Variants in CIITA observed in about 807,000 individuals in gnomAD.
CIITA encodes the protein MHC class II transactivator.
Under a neutral mutation model 115.1 loss-of-function variants are expected in CIITA, and 72 were observed. The ratio of observed to expected loss-of-function variants is 0.63; its 90% CI spans 0.52 to 0.76. The LOEUF (loss-of-function observed/expected upper bound fraction) is 0.76, where lower values mean the gene tolerates loss of function less well. Ranked by LOEUF, CIITA falls within the 30% of genes least tolerant of loss-of-function variation. The probability of loss-of-function intolerance (pLI) is 0.00; values close to 1 mark genes in which losing one functional copy is unlikely to be tolerated. For synonymous variants in CIITA, 763 were observed against 635.6 expected (o/e 1.20, Z -3.02); for missense variants, 1,617 against 1,463.8 (o/e 1.10, Z -1.71).
At chr16:10,887,448 CAGG>C (rs1468752970) in intron 1 of CIITA, among the ~76,000 whole-genome samples, 1 of 151,932 alleles carries the variant, frequency 6.6e-6, no homozygotes, top group Non-Finnish European at 1.5e-5. Context: ...CATTATTCCT[CAGG>C]AGGAGAAGTT....
intron 3 of CIITA, among the ~76,000 whole-genome samples, chr16:10,896,569 C>T (rs1022179345): frequency 6.6e-6 from 1 of 152,144 alleles, no homozygotes; most frequent in Admixed American, 6.5e-5. Context: ...GCATCACCAC[C>T]ACCTCATACA....
At position 10,901,014 on chromosome 16, in the gene CIITA, C is replaced by T. The variant is rs530747211; in HGVS notation, c.437-500C>T. On this transcript the variant is annotated intron_variant, in intron 5 of 19. Coordinates refer to ENST00000324288, the MANE Select transcript of CIITA (RefSeq NM_000246.4). This position sits in a 1 kb window ranked among gnomAD's most constrained non-coding sequence, Gnocchi z 6.8. ...TTTCTTTTAAGGCCATGCAGTGTTT[C>T]GTTGGGTAGATGAACCATAATTTGT... is the stretch of plus-strand genomic sequence containing the variant. 3.3e-5 allele frequency among the ~76,000 whole-genome samples: 5 copies of T among 152,112 alleles called. No individual in the cohort carries two copies. The highest frequency in any genetic ancestry group is 1.9e-4 in the East Asian group (1 of 5,196).
intron 1 of CIITA, among the ~76,000 whole-genome samples, chr16:10,882,838 G>A (rs753277407): frequency 2.6e-5 from 4 of 151,984 alleles, no homozygotes; most frequent in Admixed American, 2.0e-4. Context: ...CGGAGATTGC[G>A]GTGAGCCGAG....
intron 3 of CIITA, among the ~76,000 whole-genome samples, chr16:10,897,682 G>A (rs8057405): frequency 0.53 from 79,843 of 152,054 alleles, 25,960 homozygotes; most frequent in Non-Finnish European, 0.73. Flanking sequence ...CCACCATCAC[G>A]GGATGGTTGT....
At position 10,942,057 on chromosome 16, in the gene CIITA, G is replaced by A; in HGVS notation, n.1183G>A. The A allele has an allele frequency of 7.5e-7, 1 of 1,329,256 alleles. No individual in the cohort carries two copies. Among genetic ancestry groups the A allele is most frequent in the East Asian group, 3.2e-5 (1 of 31,472 alleles). 82.3% of individuals were successfully genotyped at this position (1,329,256 alleles called of 1,614,324 possible). On this transcript the variant is annotated non_coding_transcript_exon_variant, in exon 2 of 2. Transcript: ENST00000573379. The surrounding 1 kb of genome is among the most constrained non-coding windows in gnomAD (Gnocchi z 5.0). Reference sequence around the variant, plus strand: ...GGCGATCCCGGCGAACTCAGCCGCTGCGGCGCCCGGGCGGCCGGCGAGGGC... The same window carrying A: ...GGCGATCCCGGCGAACTCAGCCGCTACGGCGCCCGGGCGGCCGGCGAGGGC...
In CIITA at chr16:10,934,257, G is replaced by A. The variant is rs1360662233; in HGVS notation, c.*10402G>A. 1 of 152,132 alleles carries A rather than the reference G, an allele frequency of 6.6e-6. No homozygotes were observed. The highest frequency in any genetic ancestry group is 1.5e-5 in the Non-Finnish European group (1 of 68,028). 9.4% of individuals were successfully genotyped at this position (152,132 alleles called of 1,614,324 possible). On this transcript the variant is annotated 3_prime_UTR_variant, in exon 20 of 20. Coordinates refer to ENST00000324288, the MANE Select transcript of CIITA (RefSeq NM_000246.4). This position sits in a 1 kb window ranked among gnomAD's most constrained non-coding sequence, Gnocchi z 4.2. ...TATTTACTTAGTATTTTAAACCAAT[G>A]TACTTTTTAAACTCCAATTTTTTAA...
upstream of CIITA, among the ~76,000 whole-genome samples, chr16:10,874,973 T>C (rs934661179): frequency 1.5e-4 from 23 of 152,088 alleles, no homozygotes; most frequent in African/African-American, 5.3e-4. Flanking sequence ...TCTTTCTTTT[T>C]TTTTCTTTTT....
At position 10,906,576 on chromosome 16, in the gene CIITA, G is replaced by C. The variant is rs2039172254; in HGVS notation, c.1084G>C (p.Glu362Gln). The C allele has an allele frequency of 6.2e-7, 1 of 1,613,430 alleles. No homozygotes were observed. The highest frequency in any genetic ancestry group is 1.7e-5 in the Admixed American group (1 of 60,006). ...CGCAGGCCCGGATGGCATCCTAGTG[G>C]AGGTGGATCTGGTGCAGGCCAGGCT... ...EPAGPDGILV[E>Q]VDLVQARLER... Residue 362 changes from glutamate to glutamine, a missense_variant, in exon 11 of 20, where the codon GAG becomes CAG. Glu to Gln is a conservative substitution (Grantham distance 29). Transcript: ENST00000324288.
Position 10,942,251 on chromosome 16 carries a change from C to A in CIITA, n.1377C>A. 1 of 364,050 alleles carries A rather than the reference C, an allele frequency of 2.7e-6. No homozygotes were observed. The highest frequency in any genetic ancestry group is 4.9e-6 in the Non-Finnish European group (1 of 202,054). 22.6% of individuals were successfully genotyped at this position (364,050 alleles called of 1,614,324 possible). A position where few individuals can be genotyped will look rare whatever the true frequency, so the allele number is the denominator to read the frequency against. On this transcript the variant is annotated non_coding_transcript_exon_variant, in exon 2 of 2. Coordinates refer to the CIITA transcript ENST00000573379. The surrounding 1 kb of genome is among the most constrained non-coding windows in gnomAD (Gnocchi z 5.0). ...CGCCCGGGCGGCGAGGCGGGCCCCC[C>A]TGAAGTGGCCCGCGGCTGCCCGGCT...
At chr16:10,916,704 C>CCATT in intron 15 of CIITA, 2 of 543,972 alleles carry the variant, frequency 3.7e-6, no homozygotes. Context: ...GTGGATTCAT[C>CCATT]CATTCACTCA....
intron 16 of CIITA, 121 bp from the exon 17 acceptor site, chr16:10,922,046 T>C: frequency 1.2e-6 from 1 of 857,084 alleles, no homozygotes. Flanking sequence ...GCAATAAATA[T>C]TGATTCCTTC....
chr16:10,904,882 A>C, intron 10 of CIITA, 70 bp downstream of exon 10: 4 of 1,497,998 alleles, frequency 2.7e-6, no homozygotes, highest in Non-Finnish European at 3.7e-6. Flanking sequence ...CACATTGCTC[A>C]TTCACTTGAC....
intron 1 of CIITA, among the ~76,000 whole-genome samples, chr16:10,889,708 G>T (rs559154988): frequency 1.3e-5 from 2 of 151,996 alleles, no homozygotes; most frequent in Non-Finnish European, 2.9e-5. Flanking sequence ...TAGTAGAGAC[G>T]GGATTTCACC....
intron 17 of CIITA, 49 bp from the exon 18 acceptor site, chr16:10,922,358 A>G (rs1437003550): frequency 6.2e-7 from 1 of 1,611,564 alleles, no homozygotes; most frequent in Non-Finnish European, 8.5e-7. Flanking sequence ...CTTGGTCTGG[A>G]GCTGGGGAGT....
chr16:10,890,102 G>A (rs893173000), intron 1 of CIITA, among the ~76,000 whole-genome samples: 1 of 152,152 alleles, frequency 6.6e-6, no homozygotes, highest in African/African-American at 2.4e-5. Context: ...TCAGTCTTAG[G>A]GAAGCAGGAA....
At chr16:10,871,830 C>A (rs1012485242) in intron 1 of CIITA, among the ~76,000 whole-genome samples, 1 of 152,214 alleles carries the variant, frequency 6.6e-6, no homozygotes, top group African/African-American at 2.4e-5. Context: ...GCCCTCTACC[C>A]CAGGAACCAC....
At chr16:10,904,954 T>C (rs2144651652) in intron 10 of CIITA, 142 bp downstream of exon 10, 2 of 849,282 alleles carry the variant, frequency 2.4e-6, no homozygotes, top group Non-Finnish European at 3.9e-6. Flanking sequence ...CATTCATTCA[T>C]TCACTTATTT....
In CIITA at chr16:10,934,904, C is replaced by A. The variant is rs1367997983; in HGVS notation, c.*11049C>A. The A allele has an allele frequency of 6.6e-6, 1 of 152,238 alleles. No homozygotes were observed. Among genetic ancestry groups the A allele is most frequent in the Non-Finnish European group, 1.5e-5 (1 of 68,036 alleles). The allele number at this position is 152,238 out of a possible 1,614,324, so 9.4% of individuals were successfully genotyped here. On this transcript the variant is annotated 3_prime_UTR_variant, in exon 20 of 20. Transcript: ENST00000324288. This position sits in a 1 kb window ranked among gnomAD's most constrained non-coding sequence, Gnocchi z 4.2. ...TGGGCTACTTCAAAGGCTGCCCACA[C>A]AGACACACCCTCCTTGGTAACCAGT... is the stretch of plus-strand genomic sequence containing the variant.
chr16:10,895,584 C>T, intron 2 of CIITA, 85 bp from the exon 3 acceptor site: 2 of 1,574,118 alleles, frequency 1.3e-6, no homozygotes, highest in Non-Finnish European at 8.7e-7. Context: ...GGATGATCTC[C>T]CAGCCCTGCC....
Sources: allele counts gnomAD v4.1 joint callset (sites outside exome capture counted in the v4.1 genomes callset), GRCh38; gene constraint gnomAD v4.1.1; non-coding constraint Gnocchi (gnomAD v3.1); transcripts MANE v1.5; gene names NCBI Gene and HGNC (gene_info 2026-07-23, HGNC 2026-07-21).